TBC1D31: variants seen among roughly 807,000 people sequenced by gnomAD.
TBC1D31 encodes TBC1 domain family member 31.
A neutral mutation model predicts 132.9 loss-of-function variants in TBC1D31; 99 were observed. The observed-to-expected ratio is 0.74, with a 90% confidence interval of 0.63 to 0.88. TBC1D31 has a LOEUF of 0.88. Among genes scored for constraint, TBC1D31 ranks in the 40% least tolerant of loss-of-function variants. TBC1D31 has a pLI of 0.00. For missense variants in TBC1D31, 1,134 were observed against 1,256.6 expected, an observed-to-expected ratio of 0.90 and a Z score of 1.48; for synonymous variants, 385 against 419.4, an observed-to-expected ratio of 0.92 and a Z score of 1.00.
intron 17 of TBC1D31, among the ~76,000 whole-genome samples, chr8:123,137,432 A>C (rs954441680): frequency 1.3e-5 from 2 of 152,376 alleles, no homozygotes; most frequent in Middle Eastern, 6.8e-3. Context: ...TAGTAGAGGA[A>C]TACAGATTAA....
chr8:123,089,549 C>T (rs1468333841), intron 4 of TBC1D31, among the ~76,000 whole-genome samples: 3 of 151,994 alleles, frequency 2.0e-5, no homozygotes, highest in African/African-American at 7.3e-5. Flanking sequence ...AAACCTTGTC[C>T]CTACAAAAAA....
rs114451711 is a variant in TBC1D31, at chr8:123,088,492, T to C, written c.519+4152T>C. Among the ~76,000 whole-genome samples, 570 of 152,318 alleles carry C rather than the reference T, an allele frequency of 3.7e-3. 2 individuals carry two copies. The highest frequency in any genetic ancestry group is 0.013 in the African/African-American group (552 of 41,584). On this transcript the variant is annotated intron_variant, in intron 4 of 21. Coordinates refer to ENST00000287380, the MANE Select transcript of TBC1D31 (RefSeq NM_145647.4). Reference sequence around the variant, plus strand: ...TAGAGATGGGCCAGGTGATGACCACTTCAGTTGTAAACAGGAAATAACTGT... The same window carrying C: ...TAGAGATGGGCCAGGTGATGACCACCTCAGTTGTAAACAGGAAATAACTGT...
intron 5 of TBC1D31, among the ~76,000 whole-genome samples, chr8:123,094,837 G>A (rs1015993578): frequency 2.0e-5 from 3 of 152,084 alleles, no homozygotes; most frequent in East Asian, 1.9e-4. Flanking sequence ...CACTGCACCC[G>A]ACCTATTATC....
intron 6 of TBC1D31, among the ~76,000 whole-genome samples, chr8:123,099,978 C>A (rs1817221481): frequency 6.6e-6 from 1 of 152,126 alleles, no homozygotes; most frequent in African/African-American, 2.4e-5. Flanking sequence ...CCCACAATAA[C>A]AGCATTAATC....
intron 6 of TBC1D31, 95 bp from the exon 7 acceptor site, chr8:123,100,712 A>G: frequency 2.4e-6 from 2 of 834,196 alleles, no homozygotes. Context: ...ACATACATAC[A>G]CAAACGTTGC....
chr8:123,160,033 T>C, the TBC1D31 span, among the ~76,000 whole-genome samples: 1 of 152,228 alleles, frequency 6.6e-6, no homozygotes, highest in African/African-American at 2.4e-5. Flanking sequence ...GAACTGGTGT[T>C]GATGCTTTAA....
chr8:123,128,161 A>G, intron 13 of TBC1D31, 120 bp from the exon 14 acceptor site: 1 of 500,334 alleles, frequency 2.0e-6, no homozygotes, highest in Non-Finnish European at 3.5e-6. Context: ...GCTTTAATGA[A>G]TTTGCAAAAA....
At position 123,093,667 on chromosome 8, in the gene TBC1D31, C is replaced by T. The variant is rs763473392; in HGVS notation, c.596C>T (p.Thr199Ile). 18 of 1,611,192 alleles carry T rather than the reference C, an allele frequency of 1.1e-5. No homozygotes were observed. The highest frequency in any genetic ancestry group is 1.4e-5 in the Non-Finnish European group (16 of 1,177,844). Reference sequence around the variant, plus strand: ...TCCATTTTTGCCTGGGAATGTGACACACTTTTTTGCAAATATCAATTGCCA... The same window carrying T: ...TCCATTTTTGCCTGGGAATGTGACATACTTTTTTGCAAATATCAATTGCCA... ...DNSIFAWECDTLFCKYQLPAP... is the reference protein window; with the variant it reads ...DNSIFAWECDILFCKYQLPAP... The change falls in exon 5 of 22, where the codon ACA (threonine) becomes ATA (isoleucine). Residue 199 changes from threonine (T) to isoleucine (I), a missense_variant. Transcript: ENST00000287380.
intron 2 of TBC1D31, among the ~76,000 whole-genome samples, chr8:123,079,989 G>C (rs1352223066): frequency 6.6e-6 from 1 of 152,150 alleles, no homozygotes; most frequent in African/African-American, 2.4e-5. Context: ...TTCACTGTTG[G>C]TTGTTGGGGA....
chr8:123,147,927 A>G (rs1244616479), intron 20 of TBC1D31, among the ~76,000 whole-genome samples: 4 of 151,942 alleles, frequency 2.6e-5, no homozygotes. Flanking sequence ...GGAGTTTGAG[A>G]CCAGCCTGGC....
intron 20 of TBC1D31, among the ~76,000 whole-genome samples, chr8:123,147,069 G>A (rs1822284114): frequency 6.6e-6 from 1 of 152,142 alleles, no homozygotes; most frequent in South Asian, 2.1e-4. Flanking sequence ...GGAGTAGAAT[G>A]TGACTCTGCA....
chr8:123,116,382 A>T (rs1413662192), intron 10 of TBC1D31, among the ~76,000 whole-genome samples: 1 of 152,216 alleles, frequency 6.6e-6, no homozygotes, highest in African/African-American at 2.4e-5. Flanking sequence ...TTATGTGTAG[A>T]AGCCACTTTT....
intron 12 of TBC1D31, 44 bp from the exon 13 acceptor site, chr8:123,126,464 A>G: frequency 1.3e-6 from 2 of 1,555,616 alleles, no homozygotes; most frequent in Non-Finnish European, 1.8e-6. Context: ...CTCCCTTTTT[A>G]CTTTTCCCTA....
downstream of TBC1D31, among the ~76,000 whole-genome samples, chr8:123,154,359 A>G (rs542441432): frequency 6.6e-6 from 1 of 152,326 alleles, no homozygotes; most frequent in South Asian, 2.1e-4. Context: ...AAGGAAGGAC[A>G]GACTTGGAAG....
chr8:123,085,331 C>T (rs1815619320), intron 4 of TBC1D31, among the ~76,000 whole-genome samples: 1 of 152,248 alleles, frequency 6.6e-6, no homozygotes, highest in South Asian at 2.1e-4. Flanking sequence ...GACCACCACT[C>T]TTACGTTTTC....
At chr8:123,102,103 G>T (rs995796283) in intron 7 of TBC1D31, 4 of 377,222 alleles carry the variant, frequency 1.1e-5, no homozygotes, top group South Asian at 2.0e-5. Flanking sequence ...GAAAATGCAT[G>T]CCTCACTTCT....
At chr8:123,140,018 C>T (rs1821477723) in intron 17 of TBC1D31, among the ~76,000 whole-genome samples, 1 of 152,078 alleles carries the variant, frequency 6.6e-6, no homozygotes, top group African/African-American at 2.4e-5. Context: ...CCGTCCAACC[C>T]CCTTTTGCTT....
rs137920221 is a variant in TBC1D31 at position 123,146,162 on chromosome 8, G to A, written c.2974+1307G>A. On this transcript the variant is annotated intron_variant, in intron 20 of 21. Coordinates refer to ENST00000287380, the MANE Select transcript of TBC1D31 (RefSeq NM_145647.4). ...TGGGATTACAGGCGTGCCCAGCACC[G>A]CACGCAGCCTAATTCACCTATTTAA... Among the ~76,000 whole-genome samples the A allele has an allele frequency of 3.5e-3, 532 of 152,194 alleles. 2 individuals are homozygous for A. The highest frequency in any genetic ancestry group is 0.011 in the African/African-American group (451 of 41,530).
intron 7 of TBC1D31, among the ~76,000 whole-genome samples, chr8:123,101,675 A>G (rs1164985997): frequency 6.6e-6 from 1 of 152,178 alleles, no homozygotes; most frequent in Non-Finnish European, 1.5e-5. Flanking sequence ...GGCTTCCCAC[A>G]GTGCTGGGAT....
Sources: allele counts gnomAD v4.1 joint callset (sites outside exome capture counted in the v4.1 genomes callset), GRCh38; gene constraint gnomAD v4.1.1; transcripts MANE v1.5; gene names NCBI Gene and HGNC (gene_info 2026-07-23, HGNC 2026-07-21).